GRM8: variants seen among roughly 807,000 people sequenced by gnomAD.
GRM8 encodes glutamate metabotropic receptor 8, also known as metabotropic glutamate receptor 8.
A neutral mutation model predicts 87.2 loss-of-function variants in GRM8; 47 were observed. The observed-to-expected ratio is 0.54, with a 90% CI of 0.43 to 0.69. The LOEUF (loss-of-function observed/expected upper bound fraction) is 0.69. GRM8 is among the 30% of genes least tolerant of loss of function. GRM8 has a pLI of 0.00. For synonymous variants in GRM8, 396 were observed against 404.5 expected (o/e 0.98, Z 0.25); for missense variants, 1,019 against 1,139.2 (o/e 0.89, Z 1.52).
At chr7:127,153,543 G>A (rs1299703848) in intron 2 of GRM8, among the ~76,000 whole-genome samples, 1 of 152,116 alleles carries the variant, frequency 6.6e-6, no homozygotes, top group Non-Finnish European at 1.5e-5. Context: ...GCGGAAGTGG[G>A]GAGAGTGGTG....
At chr7:127,022,169 T>G (rs1194070598) in intron 3 of GRM8, among the ~76,000 whole-genome samples, 1 of 149,290 alleles carries the variant, frequency 6.7e-6, no homozygotes, top group Non-Finnish European at 1.5e-5. Context: ...TGATAATGTT[T>G]CTTTTTTTTT....
intron 6 of GRM8, among the ~76,000 whole-genome samples, chr7:126,888,242 T>C (rs900576838): frequency 1.3e-5 from 2 of 152,074 alleles, no homozygotes; most frequent in Middle Eastern, 3.2e-3. Flanking sequence ...TCCAAAGCTA[T>C]CAGCCTGCTT....
chr7:127,106,370 G>A (rs929269104), intron 3 of GRM8, 126 bp downstream of exon 3: 9 of 712,898 alleles, frequency 1.3e-5, no homozygotes, highest in Non-Finnish European at 1.9e-5. Flanking sequence ...CTCTAGAGTG[G>A]ACAGCCTAGT....
intron 7 of GRM8, among the ~76,000 whole-genome samples, chr7:126,623,416 C>T (rs1563025474): frequency 6.6e-6 from 1 of 152,038 alleles, no homozygotes; most frequent in Non-Finnish European, 1.5e-5. Flanking sequence ...GCACTTATTT[C>T]CTAAGTCTTC....
intron 8 of GRM8, among the ~76,000 whole-genome samples, chr7:126,546,392 C>G (rs576881576): frequency 7.9e-5 from 12 of 152,208 alleles, no homozygotes; most frequent in South Asian, 2.1e-4. Context: ...TAATAGGTAG[C>G]CAAAATGTTT....
chr7:127,090,647 T>A (rs1191304536), intron 3 of GRM8, among the ~76,000 whole-genome samples: 1 of 152,176 alleles, frequency 6.6e-6, no homozygotes, highest in East Asian at 1.9e-4. Context: ...TGCTTCTGTT[T>A]CCCAACTGAA....
intron 7 of GRM8, among the ~76,000 whole-genome samples, chr7:126,737,290 A>T (rs1814345938): frequency 6.6e-6 from 1 of 151,914 alleles, no homozygotes. Context: ...TGATCTTGTG[A>T]TCTCCACCAA....
intron 3 of GRM8, among the ~76,000 whole-genome samples, chr7:126,939,567 T>C (rs1272418989): frequency 6.6e-6 from 1 of 152,220 alleles, no homozygotes; most frequent in East Asian, 1.9e-4. Flanking sequence ...ACTGCTATAG[T>C]TATGGCTACA....
At chr7:126,779,076 A>G (rs893343475) in intron 6 of GRM8, among the ~76,000 whole-genome samples, 3 of 152,078 alleles carry the variant, frequency 2.0e-5, no homozygotes, top group African/African-American at 4.8e-5. Flanking sequence ...CCTATATTAT[A>G]GAAAAGCATG....
intron 7 of GRM8, among the ~76,000 whole-genome samples, chr7:126,640,583 T>C (rs1046927640): frequency 3.9e-5 from 6 of 152,018 alleles, no homozygotes; most frequent in African/African-American, 1.4e-4. Context: ...AAAGAATATA[T>C]ATTAGGGTGG....
At chr7:126,982,102 T>C (rs1202221916) in intron 3 of GRM8, among the ~76,000 whole-genome samples, 1 of 152,074 alleles carries the variant, frequency 6.6e-6, no homozygotes, top group Non-Finnish European at 1.5e-5. Context: ...CCAGTCTGAG[T>C]CCCAAAGCTG....
At chr7:126,683,194 C>G (rs944134685) in intron 7 of GRM8, among the ~76,000 whole-genome samples, 1 of 152,188 alleles carries the variant, frequency 6.6e-6, no homozygotes, top group African/African-American at 2.4e-5. Flanking sequence ...ATTTGCTGAA[C>G]CCACAATTGT....
chr7:127,001,945 A>G (rs17864954), intron 3 of GRM8, among the ~76,000 whole-genome samples: 3,604 of 151,806 alleles, frequency 0.024, 155 homozygotes, highest in African/African-American at 0.083. Context: ...AGATAGGCAC[A>G]CTGTATCATT....
chr7:126,733,461 A>G (rs1465248916), intron 7 of GRM8, among the ~76,000 whole-genome samples: 1 of 150,924 alleles, frequency 6.6e-6, no homozygotes, highest in Non-Finnish European at 1.5e-5. Context: ...TGCTTGGAAA[A>G]AAAAGAGGAA....
chr7:127,095,301 T>C (rs1824539861), intron 3 of GRM8, among the ~76,000 whole-genome samples: 1 of 152,176 alleles, frequency 6.6e-6, no homozygotes, highest in Non-Finnish European at 1.5e-5. Context: ...ACTTGTGGGT[T>C]GATGCTGGGT....
intron 3 of GRM8, among the ~76,000 whole-genome samples, chr7:127,011,398 A>T (rs1049945265): frequency 6.6e-6 from 1 of 152,134 alleles, no homozygotes; most frequent in Non-Finnish European, 1.5e-5. Context: ...CTAAGCTGTT[A>T]TCCTTCACAA....
intron 6 of GRM8, among the ~76,000 whole-genome samples, chr7:126,887,632 C>A (rs530118693): frequency 2.6e-5 from 4 of 152,198 alleles, no homozygotes; most frequent in East Asian, 3.9e-4. Context: ...TCTACATATA[C>A]CTCCCCCTCG....
intron 3 of GRM8, among the ~76,000 whole-genome samples, chr7:127,044,631 G>C (rs1222398041): frequency 1.3e-5 from 2 of 151,986 alleles, no homozygotes; most frequent in Admixed American, 1.3e-4. Context: ...ATCCCTCCAT[G>C]TCAAGCAGGA....
intron 3 of GRM8, among the ~76,000 whole-genome samples, chr7:126,990,004 C>T (rs7782914): frequency 3.7e-4 from 56 of 152,084 alleles, no homozygotes; most frequent in Middle Eastern, 3.4e-3. Context: ...AGCCCTCGGG[C>T]GGAAAATTGG....
Sources: gnomAD v4.1 joint callset for allele counts (sites outside exome capture counted in the v4.1 genomes callset) on GRCh38, gnomAD v4.1.1 for gene constraint, MANE v1.5 for transcripts, NCBI Gene and HGNC (gene_info 2026-07-23, HGNC 2026-07-21) for gene names.